The following AIG1 variants were observed in gnomAD, a reference collection of about 807,000 sequenced individuals.
AIG1 encodes androgen induced 1.
In AIG1, 23 loss-of-function variants were observed where a neutral mutation model predicts 31.4. The observed-to-expected ratio is 0.73, with a 90% confidence interval of 0.53 to 1.04. The LOEUF is 1.04. Ranked by LOEUF, AIG1 falls within the 50% of genes least tolerant of loss-of-function variation. AIG1 has a pLI of 0.00. For missense variants in AIG1, 274 were observed against 295.0 expected (o/e 0.93, Z 0.52); for synonymous variants, 100 against 110.5 (o/e 0.90, Z 0.60).
intron 3 of AIG1, among the ~76,000 whole-genome samples, chr6:143,236,720 G>T (rs1024884877): frequency 6.6e-6 from 1 of 152,170 alleles, no homozygotes; most frequent in African/African-American, 2.4e-5. Flanking sequence ...TAAGCAAAAT[G>T]AGCTACCTAA....
At position 143,226,414 on chromosome 6, in the gene AIG1, A is replaced by AT. The variant is rs34759325; in HGVS notation, c.400-57685dup. On this transcript the variant is annotated intron_variant, in intron 3 of 5. Coordinates refer to ENST00000357847, the MANE Select transcript of AIG1 (RefSeq NM_016108.4). ...CCCACCGTGCCCAGCTAATTTTTGT[A>AT]TTTTTTTTTTTAGTAGAGATGGGGT... Among the ~76,000 whole-genome samples the AT allele has an allele frequency of 1.1e-3, 156 of 143,292 alleles. 1 individual carries two copies. In the South Asian group the frequency reaches 0.016, roughly 15 times the overall value. 94.0% of individuals were successfully genotyped at this position (143,292 alleles called of 152,430 possible).
At chr6:143,287,543 G>A (rs1797767853) in intron 4 of AIG1, among the ~76,000 whole-genome samples, 1 of 152,060 alleles carries the variant, frequency 6.6e-6, no homozygotes, top group African/African-American at 2.4e-5. Flanking sequence ...TGAACATAGT[G>A]AGTTTTTTAT....
intron 3 of AIG1, among the ~76,000 whole-genome samples, chr6:143,177,996 G>T (rs1394604428): frequency 2.6e-5 from 4 of 152,214 alleles, no homozygotes; most frequent in Non-Finnish European, 4.4e-5. Context: ...TGGTCAGGCG[G>T]ATCCACAGTC....
At chr6:143,285,408 TC>T (rs1459057099) in intron 4 of AIG1, among the ~76,000 whole-genome samples, 2 of 150,980 alleles carry the variant, frequency 1.3e-5, no homozygotes, top group Non-Finnish European at 3.0e-5. Flanking sequence ...ACGCTTGTAA[TC>T]CCAGCACTTT....
At chr6:143,343,869 A>T (rs1021198859), downstream of AIG1, among the ~76,000 whole-genome samples, 9 of 152,212 alleles carry the variant, frequency 5.9e-5, no homozygotes, top group African/African-American at 2.2e-4. Flanking sequence ...TAAATAAACA[A>T]CAAATATAAA....
At chr6:143,220,917 A>C (rs1417619921) in intron 3 of AIG1, among the ~76,000 whole-genome samples, 1 of 152,166 alleles carries the variant, frequency 6.6e-6, no homozygotes, top group Non-Finnish European at 1.5e-5. Context: ...AACACAGTGA[A>C]TCTCTTCTAG....
chr6:143,242,461 TA>T (rs1362852022), intron 3 of AIG1, among the ~76,000 whole-genome samples: 2 of 152,244 alleles, frequency 1.3e-5, no homozygotes, highest in African/African-American at 2.4e-5. Context: ...AAGGGGGCAT[TA>T]TCCCCATTTT....
At chr6:143,113,264 C>G (rs906568451) in intron 1 of AIG1, among the ~76,000 whole-genome samples, 2 of 151,536 alleles carry the variant, frequency 1.3e-5, no homozygotes, top group African/African-American at 4.8e-5. Context: ...CAGCCTAAAG[C>G]CTTGAAAGAT....
intron 3 of AIG1, among the ~76,000 whole-genome samples, chr6:143,241,275 A>T (rs1254518429): frequency 6.6e-6 from 1 of 152,234 alleles, no homozygotes; most frequent in Admixed American, 6.5e-5. Context: ...GCGAACAACT[A>T]TTCCAAACCC....
intron 1 of AIG1, among the ~76,000 whole-genome samples, chr6:143,061,841 T>G (rs1401699423): frequency 6.6e-6 from 1 of 152,238 alleles, no homozygotes; most frequent in African/African-American, 2.4e-5. Flanking sequence ...TAAAAGGCCC[T>G]CTTCAACCTC....
intron 4 of AIG1, among the ~76,000 whole-genome samples, chr6:143,290,867 C>G (rs61517177): frequency 0.15 from 23,254 of 152,036 alleles, 1,920 homozygotes; most frequent in East Asian, 0.36. Context: ...TTACAAGAGA[C>G]AGCCGAAGGA....
intron 4 of AIG1, among the ~76,000 whole-genome samples, chr6:143,286,164 A>G (rs1432867402): frequency 6.6e-6 from 1 of 152,160 alleles, no homozygotes; most frequent in African/African-American, 2.4e-5. Context: ...GTAGAGCCCC[A>G]GAGATTTCAG....
intron 3 of AIG1, among the ~76,000 whole-genome samples, chr6:143,248,651 A>G (rs1794779591): frequency 6.6e-6 from 1 of 152,224 alleles, no homozygotes; most frequent in African/African-American, 2.4e-5. Flanking sequence ...GCTCATCCTG[A>G]GCCACGAGTC....
chr6:143,187,326 T>G, intron 3 of AIG1: 1 of 1,365,104 alleles, frequency 7.3e-7, no homozygotes, highest in Non-Finnish European at 1.0e-6. Context: ...AAATATGAAC[T>G]AATCAGACCA....
intron 3 of AIG1, among the ~76,000 whole-genome samples, chr6:143,168,889 A>G (rs551624069): frequency 6.6e-6 from 1 of 152,090 alleles, no homozygotes; most frequent in African/African-American, 2.4e-5. Flanking sequence ...TTTTATTTTC[A>G]ATTGATCTTT....
chr6:143,313,311 A>AAAAC (rs1237443391), intron 4 of AIG1, among the ~76,000 whole-genome samples: 5 of 152,302 alleles, frequency 3.3e-5, no homozygotes, highest in Admixed American at 6.5e-5. Flanking sequence ...TATGTGTCCA[A>AAAAC]AAACAGATGA....
At chr6:143,230,662 A>G (rs1219288768) in intron 3 of AIG1, among the ~76,000 whole-genome samples, 1 of 151,706 alleles carries the variant, frequency 6.6e-6, no homozygotes, top group East Asian at 1.9e-4. Context: ...TAATAATAAT[A>G]TATATGTATC....
At chr6:143,269,917 A>C (rs1256818511) in intron 3 of AIG1, among the ~76,000 whole-genome samples, 2 of 152,212 alleles carry the variant, frequency 1.3e-5, no homozygotes, top group African/African-American at 2.4e-5. Flanking sequence ...TCACTTTAGG[A>C]ACATTTGTTG....
intron 2 of AIG1, among the ~76,000 whole-genome samples, chr6:143,147,284 G>A (rs775952349): frequency 9.9e-5 from 15 of 152,058 alleles, no homozygotes; most frequent in Admixed American, 6.6e-5. Context: ...GATTCTCTGC[G>A]ACTTTGTTCA....
Sources: allele counts gnomAD v4.1 joint callset (sites outside exome capture counted in the v4.1 genomes callset), GRCh38; gene constraint gnomAD v4.1.1; transcripts MANE v1.5; gene names NCBI Gene and HGNC (gene_info 2026-07-23, HGNC 2026-07-21).